Variants in CSMD1 observed in about 807,000 individuals in gnomAD.
CSMD1 encodes CUB and sushi domain-containing protein 1.
CSMD1 carries 213 observed loss-of-function variants against 417.5 expected under a neutral mutation model. The ratio of observed to expected loss-of-function variants is 0.51; its 90% CI spans 0.46 to 0.57. The LOEUF is 0.57. Ranked by LOEUF, CSMD1 falls within the 20% of genes least tolerant of loss-of-function variation. The pLI, the probability that CSMD1 is intolerant of heterozygous loss-of-function variation, is 0.00. For missense variants in CSMD1, 6,923 were observed against 4,529.7 expected (o/e 1.53, Z -15.17); for synonymous variants, 2,862 against 1,736.8 (o/e 1.65, Z -16.11).
At chr8:3,931,813 T>G (rs921091217) in intron 5 of CSMD1, among the ~76,000 whole-genome samples, 1 of 147,774 alleles carries the variant, frequency 6.8e-6, no homozygotes, top group South Asian at 2.2e-4. Flanking sequence ...CAATGGGACT[T>G]CCTATTCAAG....
intron 3 of CSMD1, among the ~76,000 whole-genome samples, chr8:4,310,535 A>C (rs1798502456): frequency 7.6e-6 from 1 of 131,932 alleles, no homozygotes; most frequent in Admixed American, 8.1e-5. Context: ...ATATCTTTGG[A>C]CACAATAAAA....
At chr8:4,109,019 A>G (rs1476765606) in intron 3 of CSMD1, among the ~76,000 whole-genome samples, 1 of 152,222 alleles carries the variant, frequency 6.6e-6, no homozygotes, top group African/African-American at 2.4e-5. Context: ...ACCTCCATGG[A>G]TACAAATATC....
chr8:4,673,220 C>T (rs1297725454), intron 1 of CSMD1, among the ~76,000 whole-genome samples: 2 of 152,046 alleles, frequency 1.3e-5, no homozygotes. Flanking sequence ...AAATTTATGC[C>T]AAATGTTTAT....
chr8:3,997,469 G>A (rs554919129), intron 5 of CSMD1, among the ~76,000 whole-genome samples: 45 of 152,310 alleles, frequency 3.0e-4, no homozygotes, highest in African/African-American at 9.9e-4. Flanking sequence ...GCTACAGAAT[G>A]TGGTACACAG....
intron 26 of CSMD1, among the ~76,000 whole-genome samples, chr8:3,274,437 A>G (rs548258861): frequency 5.0e-4 from 76 of 152,266 alleles, no homozygotes; most frequent in African/African-American, 1.8e-3. Flanking sequence ...GTAGATGTCT[A>G]TTAGGTCCGC....
At chr8:4,232,911 C>G (rs933308579) in intron 3 of CSMD1, among the ~76,000 whole-genome samples, 8 of 152,094 alleles carry the variant, frequency 5.3e-5, no homozygotes, top group Admixed American at 3.3e-4. Context: ...TATTGAAATT[C>G]ACAAGAATTC....
At chr8:3,848,282 G>A (rs1015149260) in intron 5 of CSMD1, among the ~76,000 whole-genome samples, 2 of 152,058 alleles carry the variant, frequency 1.3e-5, no homozygotes, top group Admixed American at 1.3e-4. Context: ...CCCAACAGGG[G>A]AGCTCATTCT....
At chr8:4,828,921 G>T (rs1469008817) in intron 1 of CSMD1, among the ~76,000 whole-genome samples, 4 of 152,074 alleles carry the variant, frequency 2.6e-5, no homozygotes, top group African/African-American at 4.8e-5. Context: ...GTTCATAAAG[G>T]TTAATTAACC....
chr8:4,900,742 C>G (rs753935970), intron 1 of CSMD1, among the ~76,000 whole-genome samples: 36 of 152,160 alleles, frequency 2.4e-4, no homozygotes, highest in Non-Finnish European at 5.0e-4. Context: ...TTAACTTATC[C>G]TTTCATTTTC....
intron 1 of CSMD1, among the ~76,000 whole-genome samples, chr8:4,961,936 A>C (rs1315966687): frequency 6.6e-6 from 1 of 151,940 alleles, no homozygotes; most frequent in East Asian, 1.9e-4. Context: ...CAGTTATAAC[A>C]TTTGTTATTG....
At chr8:4,298,004 G>C (rs76534986) in intron 3 of CSMD1, among the ~76,000 whole-genome samples, 3 of 152,006 alleles carry the variant, frequency 2.0e-5, no homozygotes, top group African/African-American at 7.2e-5. Context: ...TGTAGCAAAC[G>C]CTTGTTTCCC....
At position 3,708,448 on chromosome 8, in the gene CSMD1, C is replaced by A; in HGVS notation, c.975G>T (p.Leu325=). 2.5e-6 allele frequency: 4 copies of A among 1,613,940 alleles called. No individual in the cohort carries two copies. In the South Asian group the frequency reaches 3.3e-5, roughly 13 times the overall value. The change falls in exon 7 of 70, where the codon CTG becomes CTT. Residue 325 remains leucine (L), a synonymous_variant. Coordinates refer to ENST00000635120, the MANE Select transcript of CSMD1 (RefSeq NM_033225.6). ...TTTTATGGCTTCCATCCTTGCTGGG[C>A]AGCATCTTGACTCCTCTTGACTTCA... is the stretch of plus-strand genomic sequence containing the variant. ...IELKSRGVKM[L]PSKDGSHKNS...
intron 1 of CSMD1, among the ~76,000 whole-genome samples, chr8:4,759,122 GAGA>G (rs1563312101): frequency 6.6e-6 from 1 of 152,222 alleles, no homozygotes; most frequent in East Asian, 1.9e-4. Flanking sequence ...TGGGCTGAGG[GAGA>G]AGGTGAACTT....
intron 1 of CSMD1, among the ~76,000 whole-genome samples, chr8:4,751,398 G>GA (rs931593909): frequency 6.6e-6 from 1 of 151,894 alleles, no homozygotes; most frequent in Non-Finnish European, 1.5e-5. Flanking sequence ...CTCAGGGGGG[G>GA]TGGCGGGGCA....
chr8:3,243,711 A>G (rs2116988394), intron 26 of CSMD1, among the ~76,000 whole-genome samples: 1 of 151,950 alleles, frequency 6.6e-6, no homozygotes, highest in South Asian at 2.1e-4. Flanking sequence ...CAGGCCTGAC[A>G]ATAAATATAA....
intron 3 of CSMD1, among the ~76,000 whole-genome samples, chr8:4,189,840 T>C (rs1391308166): frequency 6.6e-6 from 1 of 152,218 alleles, no homozygotes; most frequent in African/African-American, 2.4e-5. Context: ...GCACAGCTTT[T>C]TAACATATTA....
At chr8:3,810,507 G>C (rs944487602) in intron 5 of CSMD1, among the ~76,000 whole-genome samples, 1 of 152,090 alleles carries the variant, frequency 6.6e-6, no homozygotes, top group African/African-American at 2.4e-5. Context: ...GCTGGTCATG[G>C]AAGAGGTCAG....
At chr8:3,694,645 G>A (rs1194266478) in intron 7 of CSMD1, among the ~76,000 whole-genome samples, 1 of 151,946 alleles carries the variant, frequency 6.6e-6, no homozygotes, top group Non-Finnish European at 1.5e-5. Flanking sequence ...AGGCTGGGTG[G>A]GTGGACACAG....
At chr8:3,220,755 C>T (rs373156972) in intron 28 of CSMD1, among the ~76,000 whole-genome samples, 3 of 152,102 alleles carry the variant, frequency 2.0e-5, no homozygotes, top group Non-Finnish European at 4.4e-5. Context: ...CGCTTGAACC[C>T]GGGAAGCGGA....
Sources: gnomAD v4.1 joint callset for allele counts (sites outside exome capture counted in the v4.1 genomes callset) on GRCh38, gnomAD v4.1.1 for gene constraint, MANE v1.5 for transcripts, NCBI Gene and HGNC (gene_info 2026-07-23, HGNC 2026-07-21) for gene names.